Variants in TUSC3 observed in about 807,000 individuals in gnomAD.
The protein encoded by TUSC3 is dolichyl-diphosphooligosaccharide--protein glycosyltransferase subunit TUSC3.
Under a neutral mutation model 44.8 loss-of-function variants are expected in TUSC3, and 45 were observed. That is an observed-to-expected ratio of 1.00 (90% CI 0.79 to 1.29). The LOEUF (loss-of-function observed/expected upper bound fraction) is 1.29. TUSC3 is among the 50% of genes most tolerant of loss of function. The pLI is 0.00. For synonymous variants in TUSC3, 212 were observed against 152.9 expected (o/e 1.39, Z -2.85); for missense variants, 519 against 437.9 (o/e 1.19, Z -1.65).
chr8:15,440,873 A>G (rs901909427), intron 1 of TUSC3, among the ~76,000 whole-genome samples: 2 of 152,172 alleles, frequency 1.3e-5, no homozygotes, highest in Non-Finnish European at 2.9e-5. Context: ...GCCTCCCCAG[A>G]TAGAGAGCTT....
chr8:15,417,839 G>A (rs1377839510), intron 1 of TUSC3, among the ~76,000 whole-genome samples: 1 of 152,060 alleles, frequency 6.6e-6, no homozygotes, highest in Non-Finnish European at 1.5e-5. Context: ...ATAAGACTGC[G>A]GCCTTTCTCT....
intron 1 of TUSC3, among the ~76,000 whole-genome samples, chr8:15,618,638 A>G (rs529940482): frequency 6.6e-6 from 1 of 152,356 alleles, no homozygotes; most frequent in East Asian, 1.9e-4. Context: ...TGTACAGTTA[A>G]CTTTAGAAAA....
the TUSC3 span, among the ~76,000 whole-genome samples, chr8:15,847,037 C>T: frequency 6.6e-6 from 1 of 152,118 alleles, no homozygotes; most frequent in Non-Finnish European, 1.5e-5. Context: ...GCATAACGCC[C>T]TAGTCCATAA....
chr8:15,731,617 G>C (rs903148593), intron 7 of TUSC3, among the ~76,000 whole-genome samples: 3 of 152,128 alleles, frequency 2.0e-5, no homozygotes, highest in African/African-American at 7.2e-5. Context: ...TTAGAATTCA[G>C]TTGTCTTTTT....
At chr8:15,613,819 C>T (rs968753067) in intron 1 of TUSC3, among the ~76,000 whole-genome samples, 1 of 151,966 alleles carries the variant, frequency 6.6e-6, no homozygotes, top group Non-Finnish European at 1.5e-5. Context: ...CTTTTTTGAC[C>T]CAACTTTCAT....
At chr8:15,515,398 G>T (rs1229443129) in intron 2 of TUSC3, among the ~76,000 whole-genome samples, 2 of 152,244 alleles carry the variant, frequency 1.3e-5, no homozygotes, top group African/African-American at 4.8e-5. Flanking sequence ...ACTTACAGAA[G>T]ATTCCCTGAT....
chr8:15,525,187 G>C (rs1047006202), intron 2 of TUSC3, among the ~76,000 whole-genome samples: 12 of 152,068 alleles, frequency 7.9e-5, no homozygotes, highest in Admixed American at 4.6e-4. Context: ...TGCCTTTCTT[G>C]GCCACTTCTT....
At chr8:15,483,812 T>C (rs1226835835) in intron 2 of TUSC3, among the ~76,000 whole-genome samples, 7 of 151,590 alleles carry the variant, frequency 4.6e-5, no homozygotes, top group African/African-American at 1.5e-4. Context: ...CCAGCCACAA[T>C]GCCCGGCTAA....
chr8:15,702,683 C>A (rs1327083144), intron 6 of TUSC3, among the ~76,000 whole-genome samples: 1 of 152,108 alleles, frequency 6.6e-6, no homozygotes, highest in Admixed American at 6.6e-5. Context: ...AAGTTGAATA[C>A]TATTCTCCAG....
chr8:15,451,144 T>G (rs1172351219), intron 1 of TUSC3, among the ~76,000 whole-genome samples: 1 of 152,206 alleles, frequency 6.6e-6, no homozygotes, highest in African/African-American at 2.4e-5. Context: ...TATGTGGTTG[T>G]GATATCATGA....
intron 3 of TUSC3, among the ~76,000 whole-genome samples, chr8:15,658,763 T>G (rs1185380614): frequency 6.6e-6 from 1 of 151,948 alleles, no homozygotes; most frequent in African/African-American, 2.4e-5. Flanking sequence ...CAAATTAACC[T>G]AATATATGTT....
In TUSC3 at chr8:15,622,907, T is replaced by TA. The variant is rs537737247; in HGVS notation, c.139-168dup. On this transcript the variant is annotated intron_variant, in intron 1 of 10. Transcript: ENST00000503731. ...AAGGCCAAGAGAAAACCCAACATTA[T>TA]AAAAATATATGTCCTTTCTATCTTT... is the stretch of plus-strand genomic sequence containing the variant. 3.6e-4 allele frequency among the ~76,000 whole-genome samples: 55 copies of TA among 152,272 alleles called. 1 individual carries two copies. In the East Asian group the frequency reaches 0.01, roughly 28 times the overall value.
At position 15,753,788 on chromosome 8, in the gene TUSC3, C is replaced by G. The variant is rs352793; in HGVS notation, c.1029-4003C>G. Among the ~76,000 whole-genome samples the G allele has an allele frequency of 6.0e-3, 911 of 152,042 alleles. 9 individuals are homozygous for G. Among genetic ancestry groups the G allele is most frequent in the African/African-American group, 0.02 (849 of 41,502 alleles). On this transcript the variant is annotated intron_variant, in intron 9 of 10. Coordinates refer to ENST00000503731, the MANE Select transcript of TUSC3 (RefSeq NM_006765.4). Reference sequence around the variant, plus strand: ...TATATAGCAGAGATTTGGACACACCCTGAGCCAAATTACAAAAACCTGACA... The same window carrying G: ...TATATAGCAGAGATTTGGACACACCGTGAGCCAAATTACAAAAACCTGACA...
chr8:15,473,239 G>C (rs944983505), intron 1 of TUSC3, among the ~76,000 whole-genome samples: 3 of 152,154 alleles, frequency 2.0e-5, no homozygotes, highest in African/African-American at 7.2e-5. Flanking sequence ...AAGCTTTCTA[G>C]CATAACTGGT....
intron 2 of TUSC3, among the ~76,000 whole-genome samples, chr8:15,629,710 G>T (rs1805674209): frequency 1.4e-5 from 2 of 147,130 alleles, no homozygotes; most frequent in South Asian, 4.4e-4. Context: ...ACTTTCCTTT[G>T]TGAGACTTGC....
At chr8:15,515,225 C>G (rs1424801551) in intron 2 of TUSC3, among the ~76,000 whole-genome samples, 1 of 152,082 alleles carries the variant, frequency 6.6e-6, no homozygotes, top group Non-Finnish European at 1.5e-5. Flanking sequence ...TCGCTTTCTA[C>G]TTTGATGTTT....
At chr8:15,648,241 G>A (rs1028809238) in intron 2 of TUSC3, among the ~76,000 whole-genome samples, 9 of 152,016 alleles carry the variant, frequency 5.9e-5, no homozygotes, top group Non-Finnish European at 1.0e-4. Flanking sequence ...AGTCATATTC[G>A]AAATCTATAT....
intron 2 of TUSC3, among the ~76,000 whole-genome samples, chr8:15,531,377 G>A (rs1160160111): frequency 1.3e-5 from 2 of 151,980 alleles, no homozygotes; most frequent in Admixed American, 6.5e-5. Context: ...TCAGCCTCCC[G>A]CATAGCTGGG....
chr8:15,795,512 A>T, the TUSC3 span, among the ~76,000 whole-genome samples: 2 of 152,224 alleles, frequency 1.3e-5, no homozygotes, highest in Admixed American at 6.5e-5. Context: ...GACTCTTTGG[A>T]TAAACTAATG....
Sources: gnomAD v4.1 joint callset for allele counts (sites outside exome capture counted in the v4.1 genomes callset) on GRCh38, gnomAD v4.1.1 for gene constraint, MANE v1.5 for transcripts, NCBI Gene and HGNC (gene_info 2026-07-23, HGNC 2026-07-21) for gene names.